Variants in PLEKHG1 observed in about 807,000 individuals in gnomAD.
PLEKHG1 encodes the protein pleckstrin homology domain-containing family G member 1.
In PLEKHG1, 44 loss-of-function variants were observed where a neutral mutation model predicts 100.8. That is an observed-to-expected ratio of 0.44 (90% CI 0.34 to 0.56). The LOEUF is 0.56. Ranked by LOEUF, PLEKHG1 falls within the 20% of genes least tolerant of loss-of-function variation. PLEKHG1 has a pLI of 0.01. For missense variants in PLEKHG1, 1,545 were observed against 1,720.9 expected (o/e 0.90, Z 1.81); for synonymous variants, 640 against 662.5 (o/e 0.97, Z 0.52).
chr6:150,833,210 T>A (rs1423629441), intron 15 of PLEKHG1, among the ~76,000 whole-genome samples: 4 of 151,658 alleles, frequency 2.6e-5, no homozygotes, highest in Non-Finnish European at 5.9e-5. Context: ...GCCCCGCTAA[T>A]TTTTTTGTGT....
At chr6:150,820,650 A>T (rs1776241572) in intron 12 of PLEKHG1, among the ~76,000 whole-genome samples, 1 of 152,156 alleles carries the variant, frequency 6.6e-6, no homozygotes, top group Non-Finnish European at 1.5e-5. Flanking sequence ...GGATCACCTG[A>T]GGTCAGGAGT....
intron 13 of PLEKHG1, among the ~76,000 whole-genome samples, chr6:150,822,908 A>T (rs1038957882): frequency 6.6e-6 from 1 of 152,186 alleles, no homozygotes; most frequent in African/African-American, 2.4e-5. Context: ...TGAACCCGGG[A>T]GGCAGAGGCT....
chr6:150,841,342 C>T, exon 16 of PLEKHG1: 1 of 230,392 alleles, frequency 4.3e-6, no homozygotes, highest in Non-Finnish European at 8.7e-6. Context: ...GCTTATATCT[C>T]ACATTTTGGT....
At position 150,683,139 on chromosome 6, in the gene PLEKHG1, A is replaced by G. The variant is rs1010644704; in HGVS notation, c.-99+32353A>G. 2.6e-5 allele frequency among the ~76,000 whole-genome samples: 4 copies of G among 152,248 alleles called. No individual in the cohort carries two copies. Among genetic ancestry groups the G allele is most frequent in the African/African-American group, 4.8e-5 (2 of 41,466 alleles). ...CACATTAGGCCCTAAGAGACTCCAG[A>G]GAGACACATGGCCCGAGTCAACCTT... is the stretch of plus-strand genomic sequence containing the variant. On this transcript the variant is annotated intron_variant, in intron 3 of 3. Coordinates refer to the PLEKHG1 transcript ENST00000367326. The surrounding 1 kb of genome is among the most constrained non-coding windows in gnomAD (Gnocchi z 4.0).
At chr6:150,687,255 T>A (rs1780173865) in intron 3 of PLEKHG1, among the ~76,000 whole-genome samples, 1 of 152,170 alleles carries the variant, frequency 6.6e-6, no homozygotes, top group African/African-American at 2.4e-5. Flanking sequence ...CCAGAGCTTT[T>A]ACTTTAAGAT....
chr6:150,828,586 TA>T (rs1447327456), intron 14 of PLEKHG1, among the ~76,000 whole-genome samples: 2 of 150,982 alleles, frequency 1.3e-5, no homozygotes, highest in Non-Finnish European at 2.9e-5. Context: ...GTATTTCCTC[TA>T]AAAAAAATTA....
chr6:150,753,397 G>A (rs1279972521), intron 2 of PLEKHG1, among the ~76,000 whole-genome samples: 1 of 152,096 alleles, frequency 6.6e-6, no homozygotes, highest in African/African-American at 2.4e-5. Flanking sequence ...CACAAGAAAT[G>A]TTACAAGTGT....
chr6:150,665,326 A>C (rs1316934997), intron 3 of PLEKHG1, among the ~76,000 whole-genome samples: 3 of 152,186 alleles, frequency 2.0e-5, no homozygotes, highest in African/African-American at 7.2e-5. Context: ...TGCCTGTATC[A>C]AGGCAGTAAT....
At position 150,605,526 on chromosome 6, in the gene PLEKHG1, G is replaced by A. The variant is rs557231444; in HGVS notation, c.-204+5509G>A. 4.6e-5 allele frequency: 7 copies of A among 152,302 alleles called. No individual in the cohort carries two copies. In the South Asian group the frequency reaches 1.0e-3, roughly 23 times the overall value. 9.4% of individuals were successfully genotyped at this position (152,302 alleles called of 1,614,324 possible). ...TGGTAACTTTTATTCATTCCAGAGC[G>A]TTTATTGAGAACCTACTATGCCTAG... is the stretch of plus-strand genomic sequence containing the variant. On this transcript the variant is annotated intron_variant, in intron 1 of 3. Coordinates refer to the PLEKHG1 transcript ENST00000367326.
chr6:150,668,068 T>C (rs1779466755), intron 3 of PLEKHG1, among the ~76,000 whole-genome samples: 2 of 152,224 alleles, frequency 1.3e-5, no homozygotes, highest in Non-Finnish European at 2.9e-5. Flanking sequence ...ATGCCGAAAG[T>C]CTCATTGCTG....
intron 2 of PLEKHG1, among the ~76,000 whole-genome samples, chr6:150,761,402 G>T (rs1262681856): frequency 6.6e-6 from 1 of 152,124 alleles, no homozygotes; most frequent in Non-Finnish European, 1.5e-5. Context: ...CCACCTCCCA[G>T]GTTCAAGCGA....
chr6:150,824,018 C>G (rs1251061300), intron 14 of PLEKHG1, among the ~76,000 whole-genome samples: 2 of 152,168 alleles, frequency 1.3e-5, no homozygotes, highest in African/African-American at 4.8e-5. Flanking sequence ...TTGCCACCAC[C>G]AGTGTAAGAC....
chr6:150,817,081 C>T lies in PLEKHG1; in HGVS notation c.1279-1102C>T, dbSNP rs543264539. Among the ~76,000 whole-genome samples, 8 of 152,340 alleles carry T rather than the reference C, an allele frequency of 5.3e-5. No homozygotes were observed. In the East Asian group the frequency reaches 1.2e-3, roughly 22 times the overall value. ...TCCTGCTGTGCGGCCCAGTTCCTAACAGGCTACGAACTAGTACTAGTCTGT... is the reference window on the plus strand; with the variant it reads ...TCCTGCTGTGCGGCCCAGTTCCTAATAGGCTACGAACTAGTACTAGTCTGT... On this transcript the variant is annotated intron_variant, in intron 10 of 15. Transcript: ENST00000358517.
chr6:150,751,067 A>T (rs1266800465), intron 2 of PLEKHG1, among the ~76,000 whole-genome samples: 2 of 152,264 alleles, frequency 1.3e-5, no homozygotes, highest in Non-Finnish European at 2.9e-5. Context: ...TTCATATAAT[A>T]GTTGGACAAG....
At chr6:150,706,645 C>G (rs1014122946) in intron 3 of PLEKHG1, among the ~76,000 whole-genome samples, 13 of 150,272 alleles carry the variant, frequency 8.7e-5, no homozygotes. Flanking sequence ...AAAAACAAAA[C>G]AGGAACTATG....
At chr6:150,658,285 T>G (rs1036017070) in intron 3 of PLEKHG1, among the ~76,000 whole-genome samples, 1 of 152,216 alleles carries the variant, frequency 6.6e-6, no homozygotes, top group Non-Finnish European at 1.5e-5. Flanking sequence ...AGTAGGGTAT[T>G]AAAGCAATCA....
At chr6:150,742,684 A>ACC (rs1380475659) in intron 2 of PLEKHG1, among the ~76,000 whole-genome samples, 2 of 151,472 alleles carry the variant, frequency 1.3e-5, no homozygotes, top group Non-Finnish European at 2.9e-5. Context: ...GTCACCTCCC[A>ACC]CCAGGCCCCA....
At chr6:150,736,491 G>A (rs549176654) in intron 2 of PLEKHG1, among the ~76,000 whole-genome samples, 1 of 152,324 alleles carries the variant, frequency 6.6e-6, no homozygotes, top group African/African-American at 2.4e-5. Context: ...AGATTAGGCT[G>A]AATGCGGTGG....
At chr6:150,646,089 C>T (rs961431831) in intron 2 of PLEKHG1, among the ~76,000 whole-genome samples, 1 of 152,188 alleles carries the variant, frequency 6.6e-6, no homozygotes, top group East Asian at 1.9e-4. Context: ...ACGGGTATAT[C>T]TCACACAATA....
Sources: allele counts gnomAD v4.1 joint callset (sites outside exome capture counted in the v4.1 genomes callset), GRCh38; gene constraint gnomAD v4.1.1; non-coding constraint Gnocchi (gnomAD v3.1); transcripts MANE v1.5; gene names NCBI Gene and HGNC (gene_info 2026-07-23, HGNC 2026-07-21).